The following FRS2 variants were observed in gnomAD, a reference collection of about 807,000 sequenced individuals.
The protein encoded by FRS2 is FGFR signalling adaptor.
In FRS2, 8 loss-of-function variants were observed where a neutral mutation model predicts 43.9. The observed-to-expected ratio is 0.18, with a 90% CI of 0.11 to 0.33. The LOEUF is 0.33. FRS2 is among the 10% of genes least tolerant of loss of function. FRS2 has a pLI of 1.00. For missense variants in FRS2, 534 were observed against 627.6 expected (o/e 0.85, Z 1.59); for synonymous variants, 219 against 220.3 (o/e 0.99, Z 0.05).
chr12:69,534,578 A>G (rs2135676081), intron 3 of FRS2, among the ~76,000 whole-genome samples: 1 of 152,290 alleles, frequency 6.6e-6, no homozygotes, highest in East Asian at 1.9e-4. Flanking sequence ...AGGGTTGCTA[A>G]GGTGACCATG....
intron 3 of FRS2, among the ~76,000 whole-genome samples, chr12:69,552,131 C>T (rs528188145): frequency 2.6e-5 from 4 of 151,398 alleles, no homozygotes; most frequent in African/African-American, 7.3e-5. Flanking sequence ...GGAGAAACCC[C>T]GTCTCTACTA....
chr12:69,511,046 A>G (rs898235472), intron 1 of FRS2, among the ~76,000 whole-genome samples: 6 of 152,210 alleles, frequency 3.9e-5, no homozygotes, highest in Non-Finnish European at 7.4e-5. Flanking sequence ...TAAATATACT[A>G]TAAGGTATCC....
intron 1 of FRS2, among the ~76,000 whole-genome samples, chr12:69,507,940 C>A (rs11177697): frequency 6.9e-6 from 1 of 144,414 alleles, no homozygotes; most frequent in Non-Finnish European, 1.5e-5. Flanking sequence ...AGGAGAATTG[C>A]TTCAACCCAG....
At chr12:69,471,696 TA>T (rs1040036490) in intron 1 of FRS2, among the ~76,000 whole-genome samples, 4 of 152,384 alleles carry the variant, frequency 2.6e-5, no homozygotes, top group African/African-American at 9.6e-5. Context: ...AATGGTGATT[TA>T]AAAACTTTTT....
chr12:69,536,172 T>TGG (rs1464265713), intron 3 of FRS2, among the ~76,000 whole-genome samples: 2 of 130,182 alleles, frequency 1.5e-5, no homozygotes, highest in Admixed American at 1.8e-4. Context: ...TTACCCAGGC[T>TGG]GGAGTGTAGT....
At chr12:69,486,654 T>C (rs867412352) in intron 1 of FRS2, among the ~76,000 whole-genome samples, 6 of 152,192 alleles carry the variant, frequency 3.9e-5, no homozygotes, top group Admixed American at 6.5e-5. Flanking sequence ...AAGCCTCTTG[T>C]GCCAGTTAGG....
intron 1 of FRS2, among the ~76,000 whole-genome samples, chr12:69,489,953 A>AT (rs1290707531): frequency 6.6e-6 from 1 of 151,826 alleles, no homozygotes; most frequent in Non-Finnish European, 1.5e-5. Flanking sequence ...ACTGTAATTG[A>AT]TTTTAACAAC....
At chr12:69,565,038 C>T (rs1880172432) in intron 4 of FRS2, among the ~76,000 whole-genome samples, 1 of 152,164 alleles carries the variant, frequency 6.6e-6, no homozygotes, top group African/African-American at 2.4e-5. Flanking sequence ...TTCGTCACTG[C>T]GCAAACGTCA....
intron 3 of FRS2, among the ~76,000 whole-genome samples, chr12:69,539,856 C>T (rs1877708853): frequency 6.6e-6 from 1 of 151,334 alleles, no homozygotes; most frequent in South Asian, 2.1e-4. Flanking sequence ...TCGGGAGGCT[C>T]AGGGAGGAGA....
chr12:69,520,740 A>AT (rs897179542), intron 1 of FRS2, among the ~76,000 whole-genome samples: 1 of 151,624 alleles, frequency 6.6e-6, no homozygotes, highest in Non-Finnish European at 1.5e-5. Flanking sequence ...GTGCGGCCGT[A>AT]TTTTTTTGCT....
intron 1 of FRS2, among the ~76,000 whole-genome samples, chr12:69,481,003 G>A (rs1871303539): frequency 1.3e-5 from 2 of 152,136 alleles, no homozygotes; most frequent in Admixed American, 1.3e-4. Flanking sequence ...TAACCGCCTG[G>A]AGAATAGTGT....
chr12:69,562,954 A>G (rs931749481), intron 4 of FRS2, among the ~76,000 whole-genome samples: 1 of 152,092 alleles, frequency 6.6e-6, no homozygotes, highest in African/African-American at 2.4e-5. Context: ...CAGCCTCCCA[A>G]AGTGCTGGGA....
Position 69,574,274 on chromosome 12 carries a change from T to C in FRS2, c.846T>C (p.Asn282=). 1 of 1,614,114 alleles carries C rather than the reference T, an allele frequency of 6.2e-7. No individual in the cohort carries two copies. Residue 282 remains asparagine, a synonymous_variant, in exon 9 of 9, where the codon AAT becomes AAC. Coordinates refer to ENST00000549921, the MANE Select transcript of FRS2 (RefSeq NM_001278356.2). ...ATCAAGTTAGTGGAAGTGGAGCAAA[T>C]AACACAGAATGGGACACTGGCTATG... ...GRDQVSGSGA[N]NTEWDTGYDS...
At position 69,570,495 on chromosome 12, in the gene FRS2, T is replaced by G. The variant is rs759549467; in HGVS notation, c.231T>G (p.Gly77=). 6.2e-7 allele frequency: 1 copy of G among 1,611,504 alleles called. No individual in the cohort carries two copies. Among genetic ancestry groups the G allele is most frequent in the East Asian group, 2.2e-5 (1 of 44,878 alleles). The change falls in exon 6 of 9, where the codon GGT becomes GGG. Residue 77 remains glycine, a synonymous_variant. Transcript: ENST00000549921. ...CGAATCTCTTTTCTTTTGAAAGTGG[T>G]CGAAGGTGTCAAACTGGACAAGGTA... ...YDSNLFSFES[G]RRCQTGQGIF...
intron 3 of FRS2, among the ~76,000 whole-genome samples, chr12:69,553,838 G>A (rs143840939): frequency 1.1e-3 from 170 of 152,336 alleles, no homozygotes; most frequent in Admixed American, 3.1e-3. Flanking sequence ...GGAGTTCTCA[G>A]TGGGCAGTTG....
chr12:69,538,727 G>A (rs1047995990), intron 3 of FRS2, among the ~76,000 whole-genome samples: 4 of 152,028 alleles, frequency 2.6e-5, no homozygotes, highest in African/African-American at 9.7e-5. Context: ...AAAATGGCAT[G>A]TGTTAAGTTT....
chr12:69,571,126 TA>T, intron 6 of FRS2, 149 bp from the exon 7 acceptor site: 1 of 549,970 alleles, frequency 1.8e-6, no homozygotes, highest in Non-Finnish European at 3.1e-6. Flanking sequence ...AAACAGAGAA[TA>T]ATCATTAATT....
At chr12:69,573,935 T>C (rs1880971018) in intron 8 of FRS2, 70 bp from the exon 9 acceptor site, 1 of 955,132 alleles carries the variant, frequency 1.0e-6, no homozygotes, top group Admixed American at 2.3e-5. Flanking sequence ...AATTAACTGA[T>C]GTGGTCAGGC....
intron 1 of FRS2, among the ~76,000 whole-genome samples, chr12:69,512,264 A>G (rs970408957): frequency 6.6e-6 from 1 of 152,068 alleles, no homozygotes; most frequent in African/African-American, 2.4e-5. Flanking sequence ...TTTGACTGTT[A>G]CTGTTATTTC....
Sources: allele counts gnomAD v4.1 joint callset (sites outside exome capture counted in the v4.1 genomes callset), GRCh38; gene constraint gnomAD v4.1.1; transcripts MANE v1.5; gene names NCBI Gene and HGNC (gene_info 2026-07-23, HGNC 2026-07-21).